Variants in CCNY observed in about 807,000 individuals in gnomAD.
CCNY encodes cyclin Y.
In CCNY, 19 loss-of-function variants were observed where a neutral mutation model predicts 42.8. The ratio of observed to expected loss-of-function variants is 0.44; its 90% CI spans 0.31 to 0.65. CCNY has a LOEUF of 0.65. CCNY is among the 30% of genes least tolerant of loss of function. The pLI, the probability that CCNY is intolerant of heterozygous loss-of-function variation, is 0.07. For synonymous variants in CCNY, 165 were observed against 162.7 expected (o/e 1.01, Z -0.11); for missense variants, 370 against 437.3 (o/e 0.85, Z 1.37).
At chr10:35,292,468 A>G (rs1835424128) in intron 3 of CCNY, among the ~76,000 whole-genome samples, 2 of 151,976 alleles carry the variant, frequency 1.3e-5, no homozygotes, top group South Asian at 2.1e-4. Context: ...GGTTCAAGCA[A>G]TTCTGCCTCA....
chr10:35,509,911 A>G (rs1840290847), intron 3 of CCNY, among the ~76,000 whole-genome samples: 3 of 152,088 alleles, frequency 2.0e-5, no homozygotes, highest in Admixed American at 2.0e-4. Context: ...TTTCGTGGAG[A>G]CTGTCTGTGA....
At chr10:35,548,782 CTG>C (rs1197000842) in intron 7 of CCNY, among the ~76,000 whole-genome samples, 2 of 152,008 alleles carry the variant, frequency 1.3e-5, no homozygotes, top group African/African-American at 2.4e-5. Context: ...TTCGGTGTAA[CTG>C]TTACCGAAAA....
chr10:35,271,903 C>T (rs1289638540), intron 3 of CCNY, among the ~76,000 whole-genome samples: 1 of 152,216 alleles, frequency 6.6e-6, no homozygotes, highest in East Asian at 1.9e-4. Context: ...TAATGGCTCA[C>T]TCTTCACTTG....
chr10:35,407,068 A>G (rs1344343173), intron 1 of CCNY, among the ~76,000 whole-genome samples: 1 of 152,206 alleles, frequency 6.6e-6, no homozygotes, highest in Non-Finnish European at 1.5e-5. Context: ...GTATTTGATG[A>G]AAAAGAACCT....
intron 3 of CCNY, among the ~76,000 whole-genome samples, chr10:35,510,703 G>A (rs1840308701): frequency 6.6e-6 from 1 of 152,222 alleles, no homozygotes; most frequent in Non-Finnish European, 1.5e-5. Flanking sequence ...ATGAAGGACA[G>A]GTTCTGTATC....
intron 3 of CCNY, among the ~76,000 whole-genome samples, chr10:35,286,552 T>C (rs1457099086): frequency 6.6e-6 from 1 of 151,956 alleles, no homozygotes; most frequent in Non-Finnish European, 1.5e-5. Flanking sequence ...AGAGACAGGG[T>C]TTCGCCATGT....
chr10:35,339,168 A>G (rs1189272606), intron 1 of CCNY, among the ~76,000 whole-genome samples: 1 of 152,190 alleles, frequency 6.6e-6, no homozygotes, highest in South Asian at 2.1e-4. Context: ...CTGTCTCTCA[A>G]ATTCAATAAA....
rs182300792 is a variant in CCNY, at chr10:35,286,556, G to A, written c.-9+35930G>A. Among the ~76,000 whole-genome samples, 72 of 150,794 alleles carry A rather than the reference G, an allele frequency of 4.8e-4. No homozygotes were observed. In the East Asian group the frequency reaches 0.013, roughly 28 times the overall value. On this transcript the variant is annotated intron_variant, in intron 3 of 11. Transcript: ENST00000374706. ...GTATTTTTAGTAGAGACAGGGTTTC[G>A]CCATGTTGGCCATGGTTTCGAACTC... is the stretch of plus-strand genomic sequence containing the variant.
intron 1 of CCNY, among the ~76,000 whole-genome samples, chr10:35,466,137 G>C (rs983560402): frequency 6.6e-6 from 1 of 151,986 alleles, no homozygotes; most frequent in Non-Finnish European, 1.5e-5. Flanking sequence ...TGGGGGTATG[G>C]GGGGCACACA....
At chr10:35,478,422 T>G (rs1179751963) in intron 1 of CCNY, among the ~76,000 whole-genome samples, 1 of 151,230 alleles carries the variant, frequency 6.6e-6, no homozygotes, top group Non-Finnish European at 1.5e-5. Context: ...AACAGCATGG[T>G]ACTGGTACCA....
intron 7 of CCNY, among the ~76,000 whole-genome samples, chr10:35,543,532 AG>A (rs1418691378): frequency 6.7e-6 from 1 of 148,870 alleles, no homozygotes; most frequent in African/African-American, 2.5e-5. Flanking sequence ...CCTAGGTTTC[AG>A]GTGTTTGTGG....
At chr10:35,247,659 A>G (rs2095708998) in intron 1 of CCNY, among the ~76,000 whole-genome samples, 3 of 151,668 alleles carry the variant, frequency 2.0e-5, no homozygotes, top group Non-Finnish European at 4.4e-5. Context: ...GGCGGATCAC[A>G]ACGTCAGGAG....
chr10:35,315,931 T>A (rs1490595961), intron 3 of CCNY, among the ~76,000 whole-genome samples: 1 of 152,334 alleles, frequency 6.6e-6, no homozygotes, highest in East Asian at 1.9e-4. Flanking sequence ...GAACATCTCA[T>A]TCTAATTTCC....
chr10:35,318,893 A>T (rs1835791172), intron 3 of CCNY, among the ~76,000 whole-genome samples: 1 of 152,084 alleles, frequency 6.6e-6, no homozygotes, highest in African/African-American at 2.4e-5. Flanking sequence ...ACGTGGTCTC[A>T]CTCTGTTACC....
chr10:35,433,638 T>C (rs1325792248), intron 1 of CCNY, among the ~76,000 whole-genome samples: 2 of 152,192 alleles, frequency 1.3e-5, no homozygotes, highest in Non-Finnish European at 2.9e-5. Context: ...TGAGATGAAG[T>C]TTCACTCTTG....
chr10:35,530,347 T>A lies in CCNY; in HGVS notation c.579+104T>A. On this transcript the variant is annotated intron_variant, in intron 7 of 9. Coordinates refer to ENST00000374704, the MANE Select transcript of CCNY (RefSeq NM_145012.6). This position sits in a 1 kb window ranked among gnomAD's most constrained non-coding sequence, Gnocchi z 4.3. Reference sequence around the variant, plus strand: ...GTTGGAGCAGGGAATCCTCACCAGGTTACCCTGTGGACACCGTGGCATAAG... The same window carrying A: ...GTTGGAGCAGGGAATCCTCACCAGGATACCCTGTGGACACCGTGGCATAAG... 7.0e-7 allele frequency: 1 copy of A among 1,425,614 alleles called. No individual in the cohort carries two copies. The highest frequency in any genetic ancestry group is 9.7e-7 in the Non-Finnish European group (1 of 1,033,658). The allele number at this position is 1,425,614 out of a possible 1,614,324, so 88.3% of individuals were successfully genotyped here. A position where few individuals can be genotyped will look rare whatever the true frequency, so the allele number is the denominator to read the frequency against.
At chr10:35,254,169 G>A (rs1018667609) in intron 3 of CCNY, among the ~76,000 whole-genome samples, 1 of 152,104 alleles carries the variant, frequency 6.6e-6, no homozygotes, top group Non-Finnish European at 1.5e-5. Flanking sequence ...GAGCCACCGC[G>A]CCCGGCCTTG....
intron 1 of CCNY, among the ~76,000 whole-genome samples, chr10:35,402,943 C>T (rs2135232016): frequency 6.6e-6 from 1 of 152,240 alleles, no homozygotes; most frequent in East Asian, 1.9e-4. Context: ...TTATGTCTGA[C>T]AGAAGGGAAG....
chr10:35,324,885 G>C (rs1361372028), intron 3 of CCNY, among the ~76,000 whole-genome samples: 1 of 152,092 alleles, frequency 6.6e-6, no homozygotes, highest in Non-Finnish European at 1.5e-5. Context: ...CTAATTCTCT[G>C]AATAATAGTT....
Sources: allele counts gnomAD v4.1 joint callset (sites outside exome capture counted in the v4.1 genomes callset), GRCh38; gene constraint gnomAD v4.1.1; non-coding constraint Gnocchi (gnomAD v3.1); transcripts MANE v1.5; gene names NCBI Gene and HGNC (gene_info 2026-07-23, HGNC 2026-07-21).